KCNJ6: variants seen among roughly 807,000 people sequenced by gnomAD.
KCNJ6 encodes potassium inwardly rectifying channel subfamily J member 6, also known as G protein-activated inward rectifier potassium channel 2.
In KCNJ6, 9 loss-of-function variants were observed where a neutral mutation model predicts 34.2. The ratio of observed to expected loss-of-function variants is 0.26; its 90% confidence interval spans 0.16 to 0.46. KCNJ6 has a LOEUF of 0.46. Ranked by LOEUF, KCNJ6 falls within the 20% of genes least tolerant of loss-of-function variation. The pLI is 1.00. For synonymous variants in KCNJ6, 196 were observed against 207.1 expected, an observed-to-expected ratio of 0.95 and a Z score of 0.46; for missense variants, 236 against 531.3, an observed-to-expected ratio of 0.44 and a Z score of 5.46.
intron 2 of KCNJ6, among the ~76,000 whole-genome samples, chr21:37,732,155 A>T: frequency 6.6e-6 from 1 of 151,304 alleles, no homozygotes; most frequent in Middle Eastern, 3.4e-3. Context: ...CAAGAACAAG[A>T]TCTCCCAGGG....
At chr21:37,896,705 T>C (rs1234279557) in intron 1 of KCNJ6, among the ~76,000 whole-genome samples, 1 of 152,014 alleles carries the variant, frequency 6.6e-6, no homozygotes, top group Non-Finnish European at 1.5e-5. Context: ...ATGGAAGCCT[T>C]GTAGGAACAC....
intron 3 of KCNJ6, among the ~76,000 whole-genome samples, chr21:37,665,570 T>C (rs1270927126): frequency 1.3e-5 from 2 of 152,164 alleles, no homozygotes; most frequent in Non-Finnish European, 2.9e-5. Context: ...TGAGTGAGTC[T>C]CCATGCTGGT....
intron 3 of KCNJ6, among the ~76,000 whole-genome samples, chr21:37,657,060 C>T (rs1172073834): frequency 6.6e-6 from 1 of 152,152 alleles, no homozygotes; most frequent in Non-Finnish European, 1.5e-5. Flanking sequence ...GTGTCCTGCC[C>T]TGGTACCCAC....
At chr21:37,754,915 A>C (rs1231148707) in intron 2 of KCNJ6, among the ~76,000 whole-genome samples, 1 of 152,192 alleles carries the variant, frequency 6.6e-6, no homozygotes, top group Non-Finnish European at 1.5e-5. Context: ...GCCGCAGTGC[A>C]GCTGGACAGA....
chr21:37,674,903 T>C (rs1380703088), intron 3 of KCNJ6, among the ~76,000 whole-genome samples: 1 of 152,154 alleles, frequency 6.6e-6, no homozygotes, highest in Non-Finnish European at 1.5e-5. Flanking sequence ...AATGAATGAA[T>C]AATGAATGAA....
At chr21:37,730,585 T>C (rs923026217) in intron 2 of KCNJ6, among the ~76,000 whole-genome samples, 1 of 152,196 alleles carries the variant, frequency 6.6e-6, no homozygotes, top group African/African-American at 2.4e-5. Context: ...CAATAATCAC[T>C]ATTTTTATAA....
intron 3 of KCNJ6, among the ~76,000 whole-genome samples, chr21:37,629,635 C>CTCAGAA (rs1266728127): frequency 6.6e-6 from 1 of 152,134 alleles, no homozygotes; most frequent in East Asian, 1.9e-4. Context: ...GGAGAGGGGT[C>CTCAGAA]TCAGAAGAAC....
chr21:37,710,078 G>A (rs1048878630), intron 3 of KCNJ6, among the ~76,000 whole-genome samples: 6 of 152,018 alleles, frequency 3.9e-5, no homozygotes, highest in Admixed American at 3.9e-4. Flanking sequence ...AAAAACAGAT[G>A]GAAGAAGAAG....
chr21:37,624,126 G>A lies in KCNJ6; in HGVS notation c.*1033C>T, dbSNP rs1809264147. ...AGTAAAAACATACCTTTGGTGACAG[G>A]CTAGAGAATATTTCCTTCCTGGTAT... On this transcript the variant is annotated 3_prime_UTR_variant, in exon 4 of 4. Transcript: ENST00000609713. 1 of 152,138 alleles carries A rather than the reference G, an allele frequency of 6.6e-6. No individual in the cohort carries two copies. Among genetic ancestry groups the A allele is most frequent in the Non-Finnish European group, 1.5e-5 (1 of 68,020 alleles). The allele number at this position is 152,138 out of a possible 1,614,324, so 9.4% of individuals were successfully genotyped here. A position where few individuals can be genotyped will look rare whatever the true frequency, so the allele number is the denominator to read the frequency against.
chr21:37,800,164 G>A lies in KCNJ6; in HGVS notation c.25+40494C>T, dbSNP rs78819389. 7.4e-4 allele frequency among the ~76,000 whole-genome samples: 113 copies of A among 152,264 alleles called. 1 individual carries two copies. The East Asian group carries it at 0.014, about 19-fold the overall frequency. ...AAGGAAGACTTGGCTGGAACAAACC[G>A]TGCCCTATTTCCCTGGAATGGAGAC... On this transcript the variant is annotated intron_variant, in intron 2 of 3. Coordinates refer to ENST00000609713, the MANE Select transcript of KCNJ6 (RefSeq NM_002240.5).
At chr21:37,626,463 C>T (rs2054311670) in intron 3 of KCNJ6, among the ~76,000 whole-genome samples, 1 of 152,138 alleles carries the variant, frequency 6.6e-6, no homozygotes, top group Non-Finnish European at 1.5e-5. Flanking sequence ...GATAAGAAGC[C>T]TTTTTGTAAT....
chr21:37,868,204 G>T (rs1164113442), intron 1 of KCNJ6, among the ~76,000 whole-genome samples: 1 of 152,182 alleles, frequency 6.6e-6, no homozygotes, highest in Non-Finnish European at 1.5e-5. Context: ...AATAAATACG[G>T]TGGAGGGTAG....
Position 37,634,243 on chromosome 21 carries a change from G to T in KCNJ6, c.947-8759C>A, listed in dbSNP as rs576915746. On this transcript the variant is annotated intron_variant, in intron 3 of 3. Transcript: ENST00000609713. ...CGCCCAAGGTAATGAGTAAGTTCTC[G>T]TTCTATCAGTTCTCATGAGAACTGA... Among the ~76,000 whole-genome samples the T allele has an allele frequency of 7.2e-5, 11 of 152,212 alleles. No individual in the cohort carries two copies. The South Asian group carries it at 2.3e-3, about 32-fold the overall frequency.
Position 37,618,802 on chromosome 21 carries a change from G to T in KCNJ6, c.*6357C>A, listed in dbSNP as rs1457072903. On this transcript the variant is annotated 3_prime_UTR_variant, in exon 4 of 4. Transcript: ENST00000609713. ...GACCACCCCAGTGAAATATTTTTGT[G>T]TGCCTTTAAAGTATTTTGCCTTCCT... 2 of 152,202 alleles carry T rather than the reference G, an allele frequency of 1.3e-5. No individual in the cohort carries two copies. The highest frequency in any genetic ancestry group is 6.5e-5 in the Admixed American group (1 of 15,280). 9.4% of individuals were successfully genotyped at this position (152,202 alleles called of 1,614,324 possible).
At chr21:37,759,202 C>T (rs2055047610) in intron 2 of KCNJ6, among the ~76,000 whole-genome samples, 1 of 152,196 alleles carries the variant, frequency 6.6e-6, no homozygotes, top group Non-Finnish European at 1.5e-5. Flanking sequence ...TTTGTCCGGG[C>T]TGCATCTCTG....
chr21:37,810,644 C>T lies in KCNJ6; in HGVS notation c.25+30014G>A, dbSNP rs981781596. The stretch of plus-strand genomic sequence containing the variant: ...TTTCTTCTTTGGCTTTTGATATTGA[C>T]GTTATTTTCATGTGTCTATTGACCC... On this transcript the variant is annotated intron_variant, in intron 2 of 3. Coordinates refer to ENST00000609713, the MANE Select transcript of KCNJ6 (RefSeq NM_002240.5). Among the ~76,000 whole-genome samples, 7 of 152,256 alleles carry T rather than the reference C, an allele frequency of 4.6e-5. No homozygotes were observed. In the South Asian group the frequency reaches 6.2e-4, roughly 14 times the overall value.
chr21:37,655,223 GTGAGAGA>G (rs2054456211), intron 3 of KCNJ6, among the ~76,000 whole-genome samples: 1 of 10,158 alleles, frequency 9.8e-5, no homozygotes, highest in African/African-American at 1.6e-4. Context: ...GTGTGTGTGT[GTGAGAGA>G]GAGAGAGAGA....
intron 2 of KCNJ6, among the ~76,000 whole-genome samples, chr21:37,727,649 G>A (rs1387397707): frequency 6.6e-6 from 1 of 152,152 alleles, no homozygotes; most frequent in Non-Finnish European, 1.5e-5. Flanking sequence ...TAGAATAGAA[G>A]TCAAGACAAA....
rs538463145 is a variant in KCNJ6 at position 37,824,219 on chromosome 21, T to C, written c.25+16439A>G. 1.7e-3 allele frequency among the ~76,000 whole-genome samples: 266 copies of C among 152,310 alleles called. 2 individuals carry two copies. The highest frequency in any genetic ancestry group is 6.8e-3 in the Middle Eastern group (2 of 294). On this transcript the variant is annotated intron_variant, in intron 2 of 3. Coordinates refer to ENST00000609713, the MANE Select transcript of KCNJ6 (RefSeq NM_002240.5). ...TGTCAGGACAATTCAAAATTCAAAT[T>C]TGAGAAATCACCAGAATTCCTATAG... is the stretch of plus-strand genomic sequence containing the variant.
Sources: allele counts gnomAD v4.1 joint callset (sites outside exome capture counted in the v4.1 genomes callset), GRCh38; gene constraint gnomAD v4.1.1; transcripts MANE v1.5; gene names NCBI Gene and HGNC (gene_info 2026-07-23, HGNC 2026-07-21).